Variants in TSPAN18 observed in about 807,000 individuals in gnomAD.
TSPAN18 encodes the protein tetraspanin-18.
Under a neutral mutation model 27.3 loss-of-function variants are expected in TSPAN18, and 14 were observed. That is an observed-to-expected ratio of 0.51 (90% confidence interval 0.34 to 0.80). The LOEUF is 0.80. Among genes scored for constraint, TSPAN18 ranks in the 30% least tolerant of loss-of-function variants. The pLI, the probability that TSPAN18 is intolerant of heterozygous loss-of-function variation, is 0.01. For missense variants in TSPAN18, 268 were observed against 323.9 expected, an observed-to-expected ratio of 0.83 and a Z score of 1.32; for synonymous variants, 143 against 136.5, an observed-to-expected ratio of 1.05 and a Z score of -0.33.
At chr11:44,727,704 G>A (rs1199662587) in intron 1 of TSPAN18, among the ~76,000 whole-genome samples, 1 of 152,162 alleles carries the variant, frequency 6.6e-6, no homozygotes, top group African/African-American at 2.4e-5. Flanking sequence ...AGGGACCAGG[G>A]ACTGGGAGCG....
At chr11:44,823,229 C>A (rs1032376010) in intron 2 of TSPAN18, among the ~76,000 whole-genome samples, 1 of 152,180 alleles carries the variant, frequency 6.6e-6, no homozygotes, top group Admixed American at 6.5e-5. Context: ...GGCCTGCTTG[C>A]GTTATAGCTT....
At chr11:44,909,083 A>G (rs1859612500) in intron 4 of TSPAN18, among the ~76,000 whole-genome samples, 1 of 152,148 alleles carries the variant, frequency 6.6e-6, no homozygotes, top group African/African-American at 2.4e-5. Flanking sequence ...ATAAATAAGA[A>G]ATCTTTTGAG....
At chr11:44,756,166 G>A (rs12226403) in intron 1 of TSPAN18, among the ~76,000 whole-genome samples, 51,731 of 151,924 alleles carry the variant, frequency 0.34, 12,386 homozygotes, top group East Asian at 0.82. Context: ...TAGGACAACA[G>A]GAGACTCTAA....
intron 1 of TSPAN18, among the ~76,000 whole-genome samples, chr11:44,742,889 A>G (rs113826405): frequency 0.065 from 9,822 of 152,244 alleles, 830 homozygotes; most frequent in African/African-American, 0.2. Flanking sequence ...GAGGACATGG[A>G]TGGACCCACC....
intron 2 of TSPAN18, among the ~76,000 whole-genome samples, chr11:44,814,992 G>A (rs953514217): frequency 1.3e-5 from 2 of 152,206 alleles, no homozygotes; most frequent in Non-Finnish European, 2.9e-5. Flanking sequence ...ATCTCACTAT[G>A]CAGAGAGCTG....
At chr11:44,869,432 G>A (rs780625915) in intron 3 of TSPAN18, among the ~76,000 whole-genome samples, 4 of 152,164 alleles carry the variant, frequency 2.6e-5, no homozygotes, top group East Asian at 1.9e-4. Flanking sequence ...CTTCTCACTC[G>A]TGGAGAGGTT....
chr11:44,908,805 A>AAGAAAGAAAGAG, intron 4 of TSPAN18, among the ~76,000 whole-genome samples: 1 of 117,186 alleles, frequency 8.5e-6, no homozygotes, highest in Non-Finnish European at 1.8e-5. Context: ...GAAAGAAAGA[A>AAGAAAGAAAGAG]AGAAAGAAAG....
chr11:44,789,942 C>T (rs918273617), intron 2 of TSPAN18, among the ~76,000 whole-genome samples: 3 of 152,232 alleles, frequency 2.0e-5, no homozygotes, highest in African/African-American at 7.2e-5. Flanking sequence ...AATGCCTGTG[C>T]CCCTTTCTGA....
chr11:44,932,274 T>G lies in TSPAN18; in HGVS notation c.*3096T>G, dbSNP rs1590717198. 7.0e-6 allele frequency: 1 copy of G among 142,538 alleles called. No homozygotes were observed. Among genetic ancestry groups the G allele is most frequent in the African/African-American group, 2.5e-5 (1 of 40,228 alleles). 8.8% of individuals were successfully genotyped at this position (142,538 alleles called of 1,614,324 possible). ...GATTGCAGAGCTAATTTATCACGTT[T>G]CTCTCCTGTGAGACCCCCCTTTTAT... On this transcript the variant is annotated 3_prime_UTR_variant, in exon 10 of 10. Transcript: ENST00000520358.
intron 2 of TSPAN18, among the ~76,000 whole-genome samples, chr11:44,784,508 G>A (rs1382255830): frequency 6.6e-6 from 1 of 152,186 alleles, no homozygotes; most frequent in African/African-American, 2.4e-5. Context: ...AACTGGGTTG[G>A]ACTCCGTGCT....
At chr11:44,928,880 G>C (rs1860465918) in intron 9 of TSPAN18, among the ~76,000 whole-genome samples, 1 of 152,022 alleles carries the variant, frequency 6.6e-6, no homozygotes, top group Non-Finnish European at 1.5e-5. Flanking sequence ...GGACAACCCT[G>C]CTATGTCAGG....
At chr11:44,856,513 CCT>C (rs1857743000) in intron 2 of TSPAN18, among the ~76,000 whole-genome samples, 5 of 152,116 alleles carry the variant, frequency 3.3e-5, no homozygotes, top group African/African-American at 1.2e-4. Context: ...GCCTCTCACT[CCT>C]CTGAATTCAT....
Position 44,751,858 on chromosome 11 carries a change from C to G in TSPAN18, c.-239-12568C>G, listed in dbSNP as rs143691115. 5.1e-3 allele frequency among the ~76,000 whole-genome samples: 777 copies of G among 151,030 alleles called. 3 individuals carry two copies. Among genetic ancestry groups the G allele is most frequent in the African/African-American group, 0.018 (729 of 41,060 alleles). Reference sequence around the variant, plus strand: ...AGGAGAATCCCTTGAACCTGGGAGGCGGAGGTTTCAATGAGTCAAGATCAC... The same window carrying G: ...AGGAGAATCCCTTGAACCTGGGAGGGGGAGGTTTCAATGAGTCAAGATCAC... On this transcript the variant is annotated intron_variant, in intron 1 of 9. Transcript: ENST00000520358.
intron 2 of TSPAN18, among the ~76,000 whole-genome samples, chr11:44,768,543 C>CA (rs2134907721): frequency 6.6e-6 from 1 of 151,796 alleles, no homozygotes; most frequent in Non-Finnish European, 1.5e-5. Flanking sequence ...ATATCTTCTG[C>CA]AAAAAAAGAC....
chr11:44,816,682 G>A (rs938027901), intron 2 of TSPAN18, among the ~76,000 whole-genome samples: 2 of 152,208 alleles, frequency 1.3e-5, no homozygotes, highest in African/African-American at 4.8e-5. Flanking sequence ...CTTCTCCCAT[G>A]TCCTCCTGCT....
At chr11:44,861,814 C>T (rs1193885693) in intron 3 of TSPAN18, among the ~76,000 whole-genome samples, 1 of 150,988 alleles carries the variant, frequency 6.6e-6, no homozygotes, top group African/African-American at 2.4e-5. Context: ...CACACACACA[C>T]ACACACACAC....
chr11:44,928,509 G>T (rs992955998), intron 9 of TSPAN18, among the ~76,000 whole-genome samples: 2 of 152,170 alleles, frequency 1.3e-5, no homozygotes, highest in Non-Finnish European at 1.5e-5. Context: ...TTCCTTGGCT[G>T]GGCGCTGTGG....
chr11:44,733,093 C>T (rs1391983071), intron 1 of TSPAN18, among the ~76,000 whole-genome samples: 6 of 152,178 alleles, frequency 3.9e-5, no homozygotes, highest in African/African-American at 1.4e-4. Flanking sequence ...ACTTCACCTC[C>T]AGCACCTTGG....
Position 44,744,105 on chromosome 11 carries a change from T to C in TSPAN18, c.-240+16818T>C, listed in dbSNP as rs189882736. 8.7e-4 allele frequency among the ~76,000 whole-genome samples: 133 copies of C among 152,308 alleles called. 2 individuals carry two copies. Among genetic ancestry groups the C allele is most frequent in the African/African-American group, 3.1e-3 (129 of 41,560 alleles). ...CTGTGAGTTTTTCTGCAAATGTTAATAAAGACAGAAAGCAGTGAGACAACA... is the reference window on the plus strand; with the variant it reads ...CTGTGAGTTTTTCTGCAAATGTTAACAAAGACAGAAAGCAGTGAGACAACA... On this transcript the variant is annotated intron_variant, in intron 1 of 9. Coordinates refer to ENST00000520358, the MANE Select transcript of TSPAN18 (RefSeq NM_130783.5).
Sources: gnomAD v4.1 joint callset for allele counts (sites outside exome capture counted in the v4.1 genomes callset) on GRCh38, gnomAD v4.1.1 for gene constraint, MANE v1.5 for transcripts, NCBI Gene and HGNC (gene_info 2026-07-23, HGNC 2026-07-21) for gene names.